Variants in UBE2W observed in about 807,000 individuals in gnomAD.
The protein encoded by UBE2W is ubiquitin-conjugating enzyme E2 W.
Under a neutral mutation model 27.2 loss-of-function variants are expected in UBE2W, and 18 were observed. The observed-to-expected ratio is 0.66, with a 90% CI of 0.46 to 0.98. UBE2W has a LOEUF of 0.98. Ranked by LOEUF, UBE2W falls within the 50% of genes least tolerant of loss-of-function variation. The pLI is 0.00. For synonymous variants in UBE2W, 53 were observed against 57.2 expected (o/e 0.93, Z 0.33); for missense variants, 90 against 180.2 (o/e 0.50, Z 2.87).
At chr8:73,803,236 A>G (rs1249812528) in intron 5 of UBE2W, among the ~76,000 whole-genome samples, 2 of 152,096 alleles carry the variant, frequency 1.3e-5, no homozygotes, top group Admixed American at 6.6e-5. Context: ...TAAAAAATAA[A>G]TAAATACAAA....
intron 1 of UBE2W, among the ~76,000 whole-genome samples, chr8:73,863,973 T>C (rs1167140467): frequency 6.8e-6 from 1 of 147,020 alleles, no homozygotes; most frequent in Non-Finnish European, 1.5e-5. Context: ...AGGAGGAAAG[T>C]ATGATCTACA....
Position 73,791,632 on chromosome 8 carries a change from C to T in UBE2W, c.*2470G>A, listed in dbSNP as rs781085504. 3 of 984,818 alleles carry T rather than the reference C, an allele frequency of 3.0e-6. No homozygotes were observed. The highest frequency in any genetic ancestry group is 5.2e-4 in the Middle Eastern group (1 of 1,936). 61.0% of individuals were successfully genotyped at this position (984,818 alleles called of 1,614,324 possible). The stretch of plus-strand genomic sequence containing the variant: ...AATGACTCAGATAAATGCCTTATGA[C>T]TTTTAATAATGTAACTAACATATAA... On this transcript the variant is annotated 3_prime_UTR_variant, in exon 6 of 6. Coordinates refer to ENST00000602593, the MANE Select transcript of UBE2W (RefSeq NM_018299.6).
intron 1 of UBE2W, among the ~76,000 whole-genome samples, chr8:73,860,906 AG>A (rs1227756365): frequency 1.3e-5 from 2 of 152,134 alleles, no homozygotes; most frequent in African/African-American, 4.8e-5. Flanking sequence ...AGGCCAAGGG[AG>A]GAGGATCGCT....
chr8:73,853,096 A>C (rs1418396860), intron 1 of UBE2W, among the ~76,000 whole-genome samples: 1 of 152,174 alleles, frequency 6.6e-6, no homozygotes, highest in Non-Finnish European at 1.5e-5. Flanking sequence ...GCCTATAAGA[A>C]GGCAGAGAGC....
intron 2 of UBE2W, among the ~76,000 whole-genome samples, chr8:73,826,623 C>A (rs1809845538): frequency 6.6e-6 from 1 of 152,056 alleles, no homozygotes; most frequent in South Asian, 2.1e-4. Context: ...ACGCTGAGTA[C>A]CATACATGGT....
Position 73,788,308 on chromosome 8 carries a change from AATAT to A in UBE2W, c.*5790_*5793del, listed in dbSNP as rs964960823. 9.5e-5 allele frequency: 94 copies of A among 984,942 alleles called. No individual in the cohort carries two copies. The highest frequency in any genetic ancestry group is 1.1e-4 in the Non-Finnish European group (90 of 829,580). 61.0% of individuals were successfully genotyped at this position (984,942 alleles called of 1,614,324 possible). A position where few individuals can be genotyped will look rare whatever the true frequency, so the allele number is the denominator to read the frequency against. On this transcript the variant is annotated 3_prime_UTR_variant, in exon 6 of 6. Transcript: ENST00000602593. ...CATATTTTGCAACTTGAGTTTATAA[AATAT>A]ATACATCCACCCTATTCAAATCCTC...
chr8:73,781,656 G>A (rs569593302), downstream of UBE2W, among the ~76,000 whole-genome samples: 4 of 140,984 alleles, frequency 2.8e-5, no homozygotes, highest in South Asian at 2.2e-4. Flanking sequence ...ACAGTGTCTC[G>A]TTCTGTCATC....
At position 73,791,541 on chromosome 8, in the gene UBE2W, T is replaced by C. The variant is rs936548604; in HGVS notation, c.*2561A>G. 1.0e-6 allele frequency: 1 copy of C among 985,102 alleles called. No homozygotes were observed. The highest frequency in any genetic ancestry group is 1.2e-6 in the Non-Finnish European group (1 of 829,754). 61.0% of individuals were successfully genotyped at this position (985,102 alleles called of 1,614,324 possible). A position where few individuals can be genotyped will look rare whatever the true frequency, so the allele number is the denominator to read the frequency against. The stretch of plus-strand genomic sequence containing the variant: ...ATTTTCTTGATATTCTGGTTGTCTT[T>C]CAACAATGCATTACAGAGAAATATT... On this transcript the variant is annotated 3_prime_UTR_variant, in exon 6 of 6. Coordinates refer to ENST00000602593, the MANE Select transcript of UBE2W (RefSeq NM_018299.6).
chr8:73,830,091 G>A (rs1334124931), intron 2 of UBE2W, among the ~76,000 whole-genome samples: 1 of 152,028 alleles, frequency 6.6e-6, no homozygotes, highest in Non-Finnish European at 1.5e-5. Flanking sequence ...TAATATTATA[G>A]ATGAGAATCA....
At chr8:73,873,500 A>G (rs1247123525) in intron 1 of UBE2W, among the ~76,000 whole-genome samples, 1 of 152,090 alleles carries the variant, frequency 6.6e-6, no homozygotes, top group Admixed American at 6.6e-5. Context: ...TCTACAAAAA[A>G]TAAAAAAATT....
At chr8:73,833,003 T>C (rs1157990089) in intron 1 of UBE2W, among the ~76,000 whole-genome samples, 2 of 151,874 alleles carry the variant, frequency 1.3e-5, no homozygotes, top group Non-Finnish European at 2.9e-5. Flanking sequence ...GCCTGGCCGA[T>C]ATGGTGAAAC....
In UBE2W at chr8:73,787,979, T is replaced by G. The variant is rs1808030158; in HGVS notation, c.*6123A>C. 1.0e-6 allele frequency: 1 copy of G among 985,436 alleles called. No individual in the cohort carries two copies. Among genetic ancestry groups the G allele is most frequent in the African/African-American group, 1.7e-5 (1 of 57,374 alleles). 61.0% of individuals were successfully genotyped at this position (985,436 alleles called of 1,614,324 possible). On this transcript the variant is annotated 3_prime_UTR_variant, in exon 6 of 6. Transcript: ENST00000602593. ...AGTGACTATCTTCATTCTGTTGCAC[T>G]CATTTTGGAAATGGACATGTTCCTG...
intron 3 of UBE2W, among the ~76,000 whole-genome samples, chr8:73,822,689 T>G (rs1376634005): frequency 1.4e-5 from 2 of 144,646 alleles, no homozygotes; most frequent in Non-Finnish European, 3.0e-5. Context: ...GAGGCTGATA[T>G]GGTAGGATCA....
chr8:73,803,461 C>G (rs898230073), intron 5 of UBE2W, among the ~76,000 whole-genome samples: 17 of 152,244 alleles, frequency 1.1e-4, no homozygotes, highest in African/African-American at 3.8e-4. Flanking sequence ...AGTGTCCTGT[C>G]TGGTAGATTA....
At chr8:73,815,512 T>C (rs1334934907) in intron 3 of UBE2W, among the ~76,000 whole-genome samples, 2 of 152,262 alleles carry the variant, frequency 1.3e-5, no homozygotes, top group African/African-American at 2.4e-5. Context: ...TACACTTCTA[T>C]ATGTTTATAC....
chr8:73,810,691 T>A, intron 3 of UBE2W, 62 bp from the exon 4 acceptor site: 1 of 1,303,088 alleles, frequency 7.7e-7, no homozygotes, highest in East Asian at 2.7e-5. Flanking sequence ...ACTAAAATAT[T>A]CTCCACATAT....
intron 1 of UBE2W, among the ~76,000 whole-genome samples, chr8:73,848,551 G>A (rs1428504247): frequency 6.6e-6 from 1 of 152,132 alleles, no homozygotes; most frequent in Non-Finnish European, 1.5e-5. Context: ...CAGGTATGCT[G>A]GTGTGTGCCT....
At position 73,790,561 on chromosome 8, in the gene UBE2W, T is replaced by C. The variant is rs755283173; in HGVS notation, c.*3541A>G. ...GCTAAGATATGTACAAAAAAATTAA[T>C]GAAAGTGAGATCAAGAAATATAAGC... On this transcript the variant is annotated 3_prime_UTR_variant, in exon 6 of 6. Transcript: ENST00000602593. The C allele has an allele frequency of 3.0e-5, 30 of 984,256 alleles. No homozygotes were observed. Among genetic ancestry groups the C allele is most frequent in the Non-Finnish European group, 3.5e-5 (29 of 828,998 alleles). The allele number at this position is 984,256 out of a possible 1,614,324, so 61.0% of individuals were successfully genotyped here.
intron 2 of UBE2W, among the ~76,000 whole-genome samples, chr8:73,828,628 T>TA (rs1390345889): frequency 6.6e-6 from 1 of 152,112 alleles, no homozygotes; most frequent in Non-Finnish European, 1.5e-5. Flanking sequence ...TCCAGAAAAT[T>TA]AAAAAAATTG....
Sources: gnomAD v4.1 joint callset for allele counts (sites outside exome capture counted in the v4.1 genomes callset) on GRCh38, gnomAD v4.1.1 for gene constraint, MANE v1.5 for transcripts, NCBI Gene and HGNC (gene_info 2026-07-23, HGNC 2026-07-21) for gene names.